RFX6: variants seen among roughly 807,000 people sequenced by gnomAD.
RFX6 encodes the protein DNA-binding protein RFX6.
A neutral mutation model predicts 110.8 loss-of-function variants in RFX6; 50 were observed. That is an observed-to-expected ratio of 0.45 (90% CI 0.36 to 0.57). RFX6 has a LOEUF of 0.57. Among genes scored for constraint, RFX6 ranks in the 20% least tolerant of loss-of-function variants. RFX6 has a pLI of 0.00. For missense variants in RFX6, 990 were observed against 1,127.0 expected, an observed-to-expected ratio of 0.88 and a Z score of 1.74; for synonymous variants, 383 against 411.2, an observed-to-expected ratio of 0.93 and a Z score of 0.83.
At chr6:116,919,029 A>C in intron 10 of RFX6, 108 bp from the exon 11 acceptor site, 1 of 1,057,744 alleles carries the variant, frequency 9.5e-7, no homozygotes, top group Non-Finnish European at 1.4e-6. Flanking sequence ...GTCTGACTTC[A>C]AAAGTACTGC....
intron 6 of RFX6, among the ~76,000 whole-genome samples, chr6:116,898,416 A>T (rs1297288491): frequency 1.3e-5 from 2 of 151,926 alleles, no homozygotes; most frequent in Non-Finnish European, 2.9e-5. Flanking sequence ...TGCAGCCTCA[A>T]CCTCCTGGGC....
intron 6 of RFX6, among the ~76,000 whole-genome samples, chr6:116,897,087 A>T (rs895479814): frequency 1.3e-5 from 2 of 152,190 alleles, no homozygotes; most frequent in Non-Finnish European, 2.9e-5. Flanking sequence ...AACTAGGTTT[A>T]GGGAGTTAAG....
At chr6:116,893,749 A>G (rs906478281) in intron 4 of RFX6, among the ~76,000 whole-genome samples, 4 of 152,198 alleles carry the variant, frequency 2.6e-5, no homozygotes, top group African/African-American at 9.7e-5. Flanking sequence ...GAGGATTGTC[A>G]GTAGGTAATT....
intron 17 of RFX6, among the ~76,000 whole-genome samples, chr6:116,928,446 A>G (rs765994266): frequency 6.6e-6 from 1 of 152,190 alleles, no homozygotes; most frequent in Non-Finnish European, 1.5e-5. Flanking sequence ...TAGATAAGGG[A>G]AATCTGACAG....
Position 116,898,062 on chromosome 6 carries a change from GAGA to G in RFX6, c.672+2858_672+2860del, listed in dbSNP as rs1161009935. 2.0e-5 allele frequency among the ~76,000 whole-genome samples: 3 copies of G among 152,246 alleles called. No individual in the cohort carries two copies. The South Asian group carries it at 6.2e-4, about 32-fold the overall frequency. ...AGAGGAGAGTCTAGAGTGGTAGGAA[GAGA>G]AGGAGGAGAATACAGTGTCACAGGA... is the stretch of plus-strand genomic sequence containing the variant. On this transcript the variant is annotated intron_variant, in intron 6 of 18. Coordinates refer to ENST00000332958, the MANE Select transcript of RFX6 (RefSeq NM_173560.4).
chr6:116,901,275 C>T (rs1370723610), intron 6 of RFX6, among the ~76,000 whole-genome samples: 1 of 152,096 alleles, frequency 6.6e-6, no homozygotes, highest in Non-Finnish European at 1.5e-5. Context: ...TTGAGAGGCA[C>T]TGTATGACAG....
intron 4 of RFX6, among the ~76,000 whole-genome samples, chr6:116,893,185 C>T (rs547930664): frequency 1.3e-5 from 2 of 152,070 alleles, no homozygotes; most frequent in South Asian, 2.1e-4. Context: ...TGGAGACTGA[C>T]CACAGAAAGC....
Position 116,923,288 on chromosome 6 carries a change from TTCC to T in RFX6, c.1555+66_1555+68del, listed in dbSNP as rs1395821513. On this transcript the variant is annotated intron_variant, in intron 14 of 18. Coordinates refer to ENST00000332958, the MANE Select transcript of RFX6 (RefSeq NM_173560.4). ...TATATAATTTGTTCCTCAGTCACAG[TTCC>T]TGTCAATTTTTAAACATGTTACATC... is the stretch of plus-strand genomic sequence containing the variant. The T allele has an allele frequency of 9.7e-6, 8 of 828,600 alleles. No individual in the cohort carries two copies. The African/African-American group carries it at 1.0e-4, about 10-fold the overall frequency. 51.3% of individuals were successfully genotyped at this position (828,600 alleles called of 1,614,324 possible). A position where few individuals can be genotyped will look rare whatever the true frequency, so the allele number is the denominator to read the frequency against.
At chr6:116,921,893 G>A (rs1775606142) in intron 12 of RFX6, 149 bp from the exon 13 acceptor site, 2 of 621,450 alleles carry the variant, frequency 3.2e-6, no homozygotes, top group Non-Finnish European at 5.6e-6. Context: ...TTCAAGATAT[G>A]ATATTAATTC....
At chr6:116,912,346 A>T (rs1775370931) in intron 7 of RFX6, among the ~76,000 whole-genome samples, 1 of 152,130 alleles carries the variant, frequency 6.6e-6, no homozygotes, top group Non-Finnish European at 1.5e-5. Flanking sequence ...CAAGTTGGAA[A>T]AAAAAAAGTA....
intron 4 of RFX6, among the ~76,000 whole-genome samples, chr6:116,885,373 ACT>A (rs1774678912): frequency 6.6e-6 from 1 of 152,206 alleles, no homozygotes; most frequent in Non-Finnish European, 1.5e-5. Flanking sequence ...AAAATTAATG[ACT>A]CAATATAAAA....
chr6:116,922,262 G>A (rs572751558), intron 13 of RFX6, 111 bp downstream of exon 13: 1 of 708,498 alleles, frequency 1.4e-6, no homozygotes, highest in Non-Finnish European at 2.6e-6. Flanking sequence ...GTGTGTAAAG[G>A]CTTTGAAAAG....
chr6:116,928,824 G>C lies in RFX6; in HGVS notation c.2464G>C (p.Val822Leu). ...GCTCGGATCAATGGTGAATCAGCAC[G>C]TTTCTGTCATCAGCAGCATTCGTTC... Reference protein sequence around the residue: ...HRLGSMVNQHVSVISSIRSLP... With the variant: ...HRLGSMVNQHLSVISSIRSLP... Residue 822 changes from valine (V) to leucine (L), a missense_variant, in exon 18 of 19, where the codon GTT becomes CTT. Val to Leu is a conservative substitution (Grantham distance 32). Around this residue, in one of 5 missense-constraint regions of RFX6, gnomAD observed 438 missense variants for 441.9 expected, o/e 0.99. Coordinates refer to ENST00000332958, the MANE Select transcript of RFX6 (RefSeq NM_173560.4). 2 of 1,613,978 alleles carry C rather than the reference G, an allele frequency of 1.2e-6. No individual in the cohort carries two copies. Among genetic ancestry groups the C allele is most frequent in the South Asian group, 1.1e-5 (1 of 91,080 alleles).
intron 6 of RFX6, among the ~76,000 whole-genome samples, chr6:116,897,406 A>G (rs1046716710): frequency 6.6e-6 from 1 of 152,174 alleles, no homozygotes; most frequent in African/African-American, 2.4e-5. Context: ...GCCAAATGTC[A>G]ACTACTGGCA....
rs566008128 is a variant in RFX6, at chr6:116,920,215, T to C, written c.1183-95T>C. 41 of 952,558 alleles carry C rather than the reference T, an allele frequency of 4.3e-5. No homozygotes were observed. In the African/African-American group the frequency reaches 4.8e-4, roughly 11 times the overall value. The allele number at this position is 952,558 out of a possible 1,614,324, so 59.0% of individuals were successfully genotyped here. A position where few individuals can be genotyped will look rare whatever the true frequency, so the allele number is the denominator to read the frequency against. On this transcript the variant is annotated intron_variant, in intron 11 of 18. Coordinates refer to ENST00000332958, the MANE Select transcript of RFX6 (RefSeq NM_173560.4). ...AAGAAAAAAGTTATTTATGATACTT[T>C]TATCTCAAGGAACTATTTTTCTGAT...
Position 116,928,711 on chromosome 6 carries a change from G to T in RFX6, c.2399-48G>T, listed in dbSNP as rs747217107. 2.9e-6 allele frequency: 4 copies of T among 1,370,306 alleles called. No homozygotes were observed. In the East Asian group the frequency reaches 9.1e-5, roughly 31 times the overall value. The allele number at this position is 1,370,306 out of a possible 1,614,324, so 84.9% of individuals were successfully genotyped here. On this transcript the variant is annotated intron_variant, in intron 17 of 18. Coordinates refer to ENST00000332958, the MANE Select transcript of RFX6 (RefSeq NM_173560.4). ...TTTGTCACTTTTTTCCTTCCTGAAA[G>T]TTCTTTGTAGTAAGTTAACAGCAAA...
intron 9 of RFX6, among the ~76,000 whole-genome samples, chr6:116,916,945 T>G (rs1327984797): frequency 6.6e-6 from 1 of 152,170 alleles, no homozygotes; most frequent in Non-Finnish European, 1.5e-5. Flanking sequence ...GTGGGTACTT[T>G]AAAGTGAGTT....
intron 12 of RFX6, 23 bp downstream of exon 12, chr6:116,920,477 G>A (rs780199543): frequency 1.2e-5 from 19 of 1,607,250 alleles, no homozygotes; most frequent in African/African-American, 8.0e-5. Flanking sequence ...TCTTTGTTTA[G>A]AACAAGGTTT....
intron 17 of RFX6, among the ~76,000 whole-genome samples, chr6:116,928,168 T>G (rs1217734009): frequency 2.0e-5 from 3 of 152,182 alleles, no homozygotes; most frequent in African/African-American, 7.2e-5. Flanking sequence ...GAAAACATTT[T>G]TAGTGGATAA....
Sources: allele counts gnomAD v4.1 joint callset (sites outside exome capture counted in the v4.1 genomes callset), GRCh38; gene constraint gnomAD v4.1.1; regional missense constraint gnomAD v4.1.1; transcripts MANE v1.5; gene names NCBI Gene and HGNC (gene_info 2026-07-23, HGNC 2026-07-21).